The following CAMK2G variants were observed in gnomAD, a reference collection of about 807,000 sequenced individuals.
CAMK2G encodes calcium/calmodulin-dependent protein kinase type II subunit gamma.
In CAMK2G, 23 loss-of-function variants were observed where a neutral mutation model predicts 88.7. The observed-to-expected ratio is 0.26, with a 90% CI of 0.19 to 0.37. CAMK2G has a LOEUF of 0.37. Ranked by LOEUF, CAMK2G falls within the 10% of genes least tolerant of loss-of-function variation. The pLI is 1.00. For missense variants in CAMK2G, 476 were observed against 780.8 expected, an observed-to-expected ratio of 0.61 and a Z score of 4.65; for synonymous variants, 263 against 294.8, an observed-to-expected ratio of 0.89 and a Z score of 1.11.
chr10:73,838,100 G>C (rs536553150), intron 13 of CAMK2G, among the ~76,000 whole-genome samples: 1 of 152,160 alleles, frequency 6.6e-6, no homozygotes, highest in African/African-American at 2.4e-5. Context: ...CCTTTCCCCA[G>C]TGTCCACTCT....
chr10:73,826,857 C>T (rs1173049601), intron 15 of CAMK2G, among the ~76,000 whole-genome samples: 1 of 152,218 alleles, frequency 6.6e-6, no homozygotes, highest in Non-Finnish European at 1.5e-5. Flanking sequence ...CAGACATCCC[C>T]AAACCCAGGG....
intron 22 of CAMK2G, chr10:73,814,741 C>G: frequency 2.1e-6 from 1 of 483,326 alleles, no homozygotes; most frequent in Non-Finnish European, 3.8e-6. Flanking sequence ...GCACCACTCT[C>G]TGCCTTTCTT....
chr10:73,854,952 G>C (rs562348557), intron 3 of CAMK2G, among the ~76,000 whole-genome samples: 1 of 152,100 alleles, frequency 6.6e-6, no homozygotes, highest in Non-Finnish European at 1.5e-5. Flanking sequence ...CTGGGAACGG[G>C]ATCAAAGGCA....
At chr10:73,862,273 A>T (rs1280816489) in intron 2 of CAMK2G, among the ~76,000 whole-genome samples, 3 of 136,730 alleles carry the variant, frequency 2.2e-5, no homozygotes, top group African/African-American at 8.4e-5. Context: ...CTCTCGGTAG[A>T]CTGTGACTTC....
intron 9 of CAMK2G, 43 bp downstream of exon 9, chr10:73,847,945 A>T: frequency 8.6e-7 from 1 of 1,168,312 alleles, no homozygotes; most frequent in South Asian, 1.2e-5. Context: ...GAGCAAGGAC[A>T]TCTGCCCTTC....
chr10:73,868,621 T>A (rs964590935), intron 2 of CAMK2G, among the ~76,000 whole-genome samples: 5 of 152,214 alleles, frequency 3.3e-5, no homozygotes, highest in Non-Finnish European at 7.4e-5. Context: ...AAATGCTTCC[T>A]CGAGGCCTGT....
chr10:73,860,004 T>C (rs1282300595), intron 3 of CAMK2G, among the ~76,000 whole-genome samples: 2 of 152,216 alleles, frequency 1.3e-5, no homozygotes, highest in Non-Finnish European at 2.9e-5. Flanking sequence ...TTGTCTTTTG[T>C]GATGACTCAG....
chr10:73,829,520 G>A (rs1186127409), intron 14 of CAMK2G, among the ~76,000 whole-genome samples: 3 of 151,684 alleles, frequency 2.0e-5, no homozygotes, highest in Non-Finnish European at 4.4e-5. Context: ...GGCTGGTCTC[G>A]AATTCCTGAC....
chr10:73,862,567 T>C (rs2095428476), intron 2 of CAMK2G, among the ~76,000 whole-genome samples: 1 of 152,224 alleles, frequency 6.6e-6, no homozygotes, highest in Non-Finnish European at 1.5e-5. Flanking sequence ...AGTAGGGATC[T>C]GATTAGCTCT....
At chr10:73,830,489 A>G (rs147485558) in intron 14 of CAMK2G, among the ~76,000 whole-genome samples, 2 of 152,364 alleles carry the variant, frequency 1.3e-5, no homozygotes, top group Non-Finnish European at 2.9e-5. Context: ...TAAAAACTGT[A>G]TATTTATTTT....
intron 14 of CAMK2G, chr10:73,837,250 C>A: frequency 1.6e-6 from 1 of 612,956 alleles, no homozygotes; most frequent in Non-Finnish European, 3.0e-6. Flanking sequence ...GATCACTTCC[C>A]CTGAGTCATT....
rs371949780 is a variant in CAMK2G at position 73,817,484 on chromosome 10, G to A, written c.1434C>T (p.Ala478=). The A allele has an allele frequency of 4.2e-5, 68 of 1,604,638 alleles. No individual in the cohort carries two copies. Among genetic ancestry groups the A allele is most frequent in the Non-Finnish European group, 2.5e-5 (29 of 1,171,482 alleles). Residue 478 remains alanine (A), a synonymous_variant, in exon 20 of 23, where the codon GCC becomes GCT. Coordinates refer to ENST00000423381, the MANE Select transcript of CAMK2G (RefSeq NM_001367534.1). ...AAAAATGGGTCTCTACTTACGTGTA[G>A]GCCTCAAAGTCCCCATTGTTGATGG... ...IEAINNGDFE[A]YTKICDPGLT... is the part of the protein sequence containing the mutation.
chr10:73,824,695 C>T (rs2090326787), intron 16 of CAMK2G, among the ~76,000 whole-genome samples: 1 of 152,204 alleles, frequency 6.6e-6, no homozygotes, highest in African/African-American at 2.4e-5. Context: ...AGTCACCCCC[C>T]TGCTGACTCT....
In CAMK2G at chr10:73,839,155, T is replaced by C. The variant is rs770592668; in HGVS notation, c.1009+384A>G. Among the ~76,000 whole-genome samples the C allele has an allele frequency of 6.6e-6, 1 of 152,194 alleles. No homozygotes were observed. ...ACAATTTTGAGGAGCGCGGCTCCTC[T>C]GTGGGGTCTTAAACAGTGCTGCGGA... is the stretch of plus-strand genomic sequence containing the variant. On this transcript the variant is annotated intron_variant, in intron 13 of 22. Coordinates refer to ENST00000423381, the MANE Select transcript of CAMK2G (RefSeq NM_001367534.1). The surrounding 1 kb of genome is among the most constrained non-coding windows in gnomAD (Gnocchi z 4.2).
chr10:73,857,896 G>A (rs1260951273), intron 3 of CAMK2G, among the ~76,000 whole-genome samples: 1 of 152,174 alleles, frequency 6.6e-6, no homozygotes, highest in African/African-American at 2.4e-5. Context: ...TTTATTTTCA[G>A]AGCAGTTTTA....
intron 2 of CAMK2G, among the ~76,000 whole-genome samples, chr10:73,864,487 C>T (rs1005467074): frequency 6.6e-6 from 1 of 152,018 alleles, no homozygotes; most frequent in Non-Finnish European, 1.5e-5. Flanking sequence ...GCAAGTGCTG[C>T]GTAGAAAAAG....
chr10:73,823,974 C>T, intron 17 of CAMK2G, 66 bp downstream of exon 17: 5 of 1,326,148 alleles, frequency 3.8e-6, no homozygotes, highest in Non-Finnish European at 5.4e-6. Flanking sequence ...CTGTAGACCC[C>T]TGGGACCCAG....
intron 14 of CAMK2G, among the ~76,000 whole-genome samples, chr10:73,828,536 G>A (rs1421552969): frequency 6.6e-6 from 1 of 152,150 alleles, no homozygotes; most frequent in African/African-American, 2.4e-5. Context: ...AAATTCAAGT[G>A]AGCAGCCACC....
At chr10:73,852,038 C>T (rs1347357201) in intron 5 of CAMK2G, among the ~76,000 whole-genome samples, 7 of 152,274 alleles carry the variant, frequency 4.6e-5, no homozygotes, top group East Asian at 1.9e-4. Flanking sequence ...TGAGCCACTG[C>T]GCCTGGTTAG....
Sources: allele counts gnomAD v4.1 joint callset (sites outside exome capture counted in the v4.1 genomes callset), GRCh38; gene constraint gnomAD v4.1.1; non-coding constraint Gnocchi (gnomAD v3.1); transcripts MANE v1.5; gene names NCBI Gene and HGNC (gene_info 2026-07-23, HGNC 2026-07-21).